Variants in RNF19B observed in about 807,000 individuals in gnomAD.
RNF19B encodes E3 ubiquitin-protein ligase RNF19B.
Under a neutral mutation model 65.5 loss-of-function variants are expected in RNF19B, and 23 were observed. That is an observed-to-expected ratio of 0.35 (90% CI 0.25 to 0.50). The LOEUF is 0.50. Among genes scored for constraint, RNF19B ranks in the 20% least tolerant of loss-of-function variants. RNF19B has a pLI of 0.98. For missense variants in RNF19B, 794 were observed against 980.0 expected (o/e 0.81, Z 2.53); for synonymous variants, 372 against 379.6 (o/e 0.98, Z 0.23).
At chr1:32,936,285 A>G (rs1397233687), downstream of RNF19B, among the ~76,000 whole-genome samples, 1 of 152,200 alleles carries the variant, frequency 6.6e-6, no homozygotes, top group Admixed American at 6.5e-5. Context: ...GCTTCCTGTC[A>G]TGCTAGGAGT....
downstream of RNF19B, among the ~76,000 whole-genome samples, chr1:32,933,162 C>T (rs1642047849): frequency 6.6e-6 from 1 of 152,156 alleles, no homozygotes; most frequent in South Asian, 2.1e-4. Context: ...GTCATTGCTA[C>T]ATCTTATACC....
At chr1:32,933,256 TA>T (rs199609424), downstream of RNF19B, among the ~76,000 whole-genome samples, 1,780 of 136,570 alleles carry the variant, frequency 0.013, 28 homozygotes, top group African/African-American at 0.041. Context: ...CTATTATTAT[TA>T]TTTTTTTTTT....
At chr1:32,959,425 TAC>T (rs998618386) in intron 1 of RNF19B, among the ~76,000 whole-genome samples, 4 of 152,138 alleles carry the variant, frequency 2.6e-5, no homozygotes, top group Non-Finnish European at 2.9e-5. Flanking sequence ...AGGAAAACAT[TAC>T]AGTTACCTGA....
At chr1:32,950,371 T>G (rs1642465258) in intron 1 of RNF19B, among the ~76,000 whole-genome samples, 1 of 152,220 alleles carries the variant, frequency 6.6e-6, no homozygotes, top group Non-Finnish European at 1.5e-5. Flanking sequence ...ATTTATTCAA[T>G]CATAGCTGAA....
rs963222048 is a variant in RNF19B, at chr1:32,959,853, C to T, written c.635+4198G>A. Among the ~76,000 whole-genome samples, 7 of 143,884 alleles carry T rather than the reference C, an allele frequency of 4.9e-5. No individual in the cohort carries two copies. The South Asian group carries it at 1.1e-3, about 22-fold the overall frequency. The allele number at this position is 143,884 out of a possible 152,430, so 94.4% of individuals were successfully genotyped here. A position where few individuals can be genotyped will look rare whatever the true frequency, so the allele number is the denominator to read the frequency against. ...GAGATCGAGACCATCCTAGCTAACA[C>T]GGTGAAACCCCGTCTCTACTAAAAA... On this transcript the variant is annotated intron_variant, in intron 1 of 8. Transcript: ENST00000235150.
intron 1 of RNF19B, among the ~76,000 whole-genome samples, chr1:32,952,429 T>TA (rs375150376): frequency 0.049 from 3,583 of 73,756 alleles, 340 homozygotes; most frequent in African/African-American, 0.098. Flanking sequence ...CCTTTTCTCT[T>TA]AAAAAAAAAA....
At chr1:32,938,058 C>G (rs1407465511) in intron 8 of RNF19B, among the ~76,000 whole-genome samples, 1 of 141,682 alleles carries the variant, frequency 7.1e-6, no homozygotes, top group African/African-American at 2.7e-5. Context: ...AGCAGAAACC[C>G]TAGACTTGAA....
chr1:32,963,742 A>G lies in RNF19B; in HGVS notation c.635+309T>C, dbSNP rs547136338. The stretch of plus-strand genomic sequence containing the variant: ...CCAAAAAAAAAAAGAAAAAAAAAAA[A>G]AGATACTGTCCTCACCTCCGGACAG... On this transcript the variant is annotated intron_variant, in intron 1 of 8. Coordinates refer to ENST00000235150, the MANE Select transcript of RNF19B (RefSeq NM_001300826.2). Among the ~76,000 whole-genome samples the G allele has an allele frequency of 6.2e-3, 947 of 152,006 alleles. 7 individuals carry two copies. The highest frequency in any genetic ancestry group is 0.01 in the Non-Finnish European group (710 of 67,920).
chr1:32,958,273 G>C (rs2124181994), intron 1 of RNF19B, among the ~76,000 whole-genome samples: 1 of 152,320 alleles, frequency 6.6e-6, no homozygotes, highest in African/African-American at 2.4e-5. Context: ...CATGTTTAAA[G>C]ATTTAAGAAA....
At chr1:32,953,237 G>A (rs1642553458) in intron 1 of RNF19B, among the ~76,000 whole-genome samples, 1 of 151,768 alleles carries the variant, frequency 6.6e-6, no homozygotes, top group Admixed American at 6.6e-5. Flanking sequence ...GCCTCCCAAA[G>A]CATTGGGATT....
At chr1:32,955,860 T>C (rs194655) in intron 1 of RNF19B, among the ~76,000 whole-genome samples, 28,535 of 152,162 alleles carry the variant, frequency 0.19, 3,280 homozygotes, top group East Asian at 0.33. Context: ...CCTACTCTGC[T>C]CTTTTAGCTT....
chr1:32,960,707 AT>A (rs907551499), intron 1 of RNF19B, among the ~76,000 whole-genome samples: 4 of 151,692 alleles, frequency 2.6e-5, no homozygotes, highest in African/African-American at 9.7e-5. Context: ...CACAGAAGCT[AT>A]TTTTTTTCCT....
At chr1:32,963,362 C>G (rs1268652685) in intron 1 of RNF19B, among the ~76,000 whole-genome samples, 1 of 152,162 alleles carries the variant, frequency 6.6e-6, no homozygotes, top group Admixed American at 6.5e-5. Flanking sequence ...GCGCTGCCCC[C>G]TCAGAATATT....
chr1:32,953,240 T>C (rs1380148246), intron 1 of RNF19B, among the ~76,000 whole-genome samples: 8 of 151,894 alleles, frequency 5.3e-5, no homozygotes, highest in Non-Finnish European at 1.0e-4. Flanking sequence ...TCCCAAAGCA[T>C]TGGGATTACA....
intron 2 of RNF19B, among the ~76,000 whole-genome samples, chr1:32,948,834 C>G (rs1642425987): frequency 6.6e-6 from 1 of 152,154 alleles, no homozygotes; most frequent in South Asian, 2.1e-4. Flanking sequence ...GCCCACAATC[C>G]CTTCCCATGA....
At chr1:32,963,057 G>T (rs1261889723) in intron 1 of RNF19B, among the ~76,000 whole-genome samples, 1 of 152,292 alleles carries the variant, frequency 6.6e-6, no homozygotes, top group South Asian at 2.1e-4. Context: ...GATCAAAGGG[G>T]TTCAGAAACA....
At chr1:32,951,840 C>T (rs1642507169) in intron 1 of RNF19B, among the ~76,000 whole-genome samples, 1 of 151,760 alleles carries the variant, frequency 6.6e-6, no homozygotes, top group South Asian at 2.1e-4. Context: ...CTATATCGCC[C>T]AGGATGGAGC....
chr1:32,933,112 A>T (rs1281368858), downstream of RNF19B, among the ~76,000 whole-genome samples: 2 of 152,156 alleles, frequency 1.3e-5, no homozygotes, highest in Non-Finnish European at 2.9e-5. Flanking sequence ...TTCCCCCGTT[A>T]AGAGTCTAAG....
At chr1:32,948,401 C>T in intron 2 of RNF19B, 38 bp from the exon 3 acceptor site, 1 of 1,600,068 alleles carries the variant, frequency 6.2e-7, no homozygotes, top group Middle Eastern at 1.7e-4. Context: ...GAAAAAATAC[C>T]CCTAGTTAAA....
Sources: gnomAD v4.1 joint callset for allele counts (sites outside exome capture counted in the v4.1 genomes callset) on GRCh38, gnomAD v4.1.1 for gene constraint, MANE v1.5 for transcripts, NCBI Gene and HGNC (gene_info 2026-07-23, HGNC 2026-07-21) for gene names.